Variants in ZBTB7C observed in about 807,000 individuals in gnomAD.
ZBTB7C encodes the protein zinc finger and BTB domain containing 7C.
ZBTB7C carries 8 observed loss-of-function variants against 25.7 expected under a neutral mutation model. The observed-to-expected ratio is 0.31, with a 90% confidence interval of 0.18 to 0.56. The LOEUF (loss-of-function observed/expected upper bound fraction) is 0.56. ZBTB7C is among the 20% of genes least tolerant of loss of function. ZBTB7C has a pLI of 0.91. For synonymous variants in ZBTB7C, 394 were observed against 369.0 expected (o/e 1.07, Z -0.78); for missense variants, 824 against 855.2 (o/e 0.96, Z 0.46).
chr18:48,396,957 T>C (rs1164369227), intron 1 of ZBTB7C, among the ~76,000 whole-genome samples: 1 of 152,242 alleles, frequency 6.6e-6, no homozygotes, highest in East Asian at 1.9e-4. Flanking sequence ...TGATATTTCT[T>C]GGTGCTGTTT....
intron 2 of ZBTB7C, among the ~76,000 whole-genome samples, chr18:48,222,462 A>G (rs1022246108): frequency 1.6e-4 from 25 of 152,012 alleles, no homozygotes; most frequent in African/African-American, 6.0e-4. Flanking sequence ...TATTTATACA[A>G]TAGTCCTCCA....
chr18:48,082,069 G>C (rs1598844012), intron 3 of ZBTB7C, among the ~76,000 whole-genome samples: 2 of 152,190 alleles, frequency 1.3e-5, no homozygotes, highest in Admixed American at 1.3e-4. Flanking sequence ...CTACGCATTA[G>C]AGGAGGCCAA....
intron 2 of ZBTB7C, among the ~76,000 whole-genome samples, chr18:48,260,539 C>T (rs146492206): frequency 7.2e-5 from 11 of 152,290 alleles, no homozygotes; most frequent in South Asian, 2.1e-4. Context: ...AAACAACATG[C>T]GCTACAGTAA....
upstream of ZBTB7C, chr18:48,409,519 G>C (rs1010659530): frequency 2.0e-5 from 3 of 148,004 alleles, no homozygotes; most frequent in African/African-American, 7.4e-5. Flanking sequence ...CCGCCGGCTC[G>C]GGGGGCGCAC....
chr18:48,107,103 A>G, intron 3 of ZBTB7C, among the ~76,000 whole-genome samples: 1 of 137,950 alleles, frequency 7.2e-6, no homozygotes, highest in Non-Finnish European at 1.6e-5. Flanking sequence ...GAGAGAGGGG[A>G]GGAGAGAGGG....
intron 2 of ZBTB7C, among the ~76,000 whole-genome samples, chr18:48,321,611 C>T (rs1262364437): frequency 2.0e-5 from 3 of 152,088 alleles, no homozygotes; most frequent in Admixed American, 1.3e-4. Flanking sequence ...CCCTTTAGGA[C>T]GAGGACTTGG....
Position 48,142,440 on chromosome 18 carries a change from G to A in ZBTB7C, c.-17+43494C>T, listed in dbSNP as rs118106207. Among the ~76,000 whole-genome samples the A allele has an allele frequency of 1.5e-3, 224 of 152,320 alleles. 3 individuals carry two copies. The East Asian group carries it at 0.033, about 22-fold the overall frequency. ...GCTGGGTTGTTCTCTCTGTGGGAAAGTACCCTGCCAGGCTGGAGTGCAGGG... is the reference window on the plus strand; with the variant it reads ...GCTGGGTTGTTCTCTCTGTGGGAAAATACCCTGCCAGGCTGGAGTGCAGGG... On this transcript the variant is annotated intron_variant, in intron 3 of 4. Transcript: ENST00000590800.
chr18:48,317,906 T>C (rs1185737866), intron 2 of ZBTB7C, among the ~76,000 whole-genome samples: 1 of 150,862 alleles, frequency 6.6e-6, no homozygotes, highest in Non-Finnish European at 1.5e-5. Context: ...CATTCTAACA[T>C]GCAGCCTGGG....
chr18:48,175,190 C>T (rs2041629632), intron 3 of ZBTB7C, among the ~76,000 whole-genome samples: 1 of 152,050 alleles, frequency 6.6e-6, no homozygotes, highest in Non-Finnish European at 1.5e-5. Flanking sequence ...TATAACCACA[C>T]TGAAGGACAG....
At chr18:48,358,160 GGCCAAC>G in intron 1 of ZBTB7C, among the ~76,000 whole-genome samples, 1 of 152,130 alleles carries the variant, frequency 6.6e-6, no homozygotes, top group African/African-American at 2.4e-5. Flanking sequence ...AGAACAGCCT[GGCCAAC>G]AATGGTGAAA....
At chr18:48,163,994 A>G (rs2041157727) in intron 3 of ZBTB7C, among the ~76,000 whole-genome samples, 1 of 152,234 alleles carries the variant, frequency 6.6e-6, no homozygotes, top group Non-Finnish European at 1.5e-5. Flanking sequence ...TGCAGGCTCC[A>G]CGAAGAGTCC....
intron 3 of ZBTB7C, among the ~76,000 whole-genome samples, chr18:48,156,918 C>A (rs938500854): frequency 2.0e-5 from 3 of 151,956 alleles, no homozygotes; most frequent in African/African-American, 7.3e-5. Flanking sequence ...GTCTCTCTGG[C>A]TGCAGTTTGA....
intron 2 of ZBTB7C, among the ~76,000 whole-genome samples, chr18:48,331,610 C>T (rs1342516270): frequency 6.6e-6 from 1 of 152,226 alleles, no homozygotes; most frequent in African/African-American, 2.4e-5. Context: ...ATCACCAAGG[C>T]TCTGAAGAAA....
chr18:48,049,107 A>T, intron 3 of ZBTB7C, among the ~76,000 whole-genome samples: 1 of 152,182 alleles, frequency 6.6e-6, no homozygotes, highest in Non-Finnish European at 1.5e-5. Context: ...ATTTTTCACA[A>T]AAAGATTCTC....
chr18:48,205,756 T>A (rs1362726826), intron 2 of ZBTB7C, among the ~76,000 whole-genome samples: 4 of 152,020 alleles, frequency 2.6e-5, no homozygotes, highest in Non-Finnish European at 1.5e-5. Flanking sequence ...CTGAAATGAC[T>A]ACTAGGTCAA....
intron 3 of ZBTB7C, among the ~76,000 whole-genome samples, chr18:48,158,685 T>G (rs1382473693): frequency 6.6e-6 from 1 of 152,174 alleles, no homozygotes; most frequent in East Asian, 1.9e-4. Context: ...ATTATTGATT[T>G]GGCAGTGAAG....
chr18:48,136,349 C>T (rs906057074), intron 3 of ZBTB7C, among the ~76,000 whole-genome samples: 1 of 152,192 alleles, frequency 6.6e-6, no homozygotes, highest in African/African-American at 2.4e-5. Flanking sequence ...GGTTGGAGTC[C>T]AGGGAAGAGC....
chr18:48,213,257 T>C (rs1255915752), intron 2 of ZBTB7C, among the ~76,000 whole-genome samples: 2 of 152,238 alleles, frequency 1.3e-5, no homozygotes, highest in Non-Finnish European at 2.9e-5. Flanking sequence ...ACCAGGGTTT[T>C]GTTTTTGACT....
chr18:48,323,033 T>C (rs2046134383), intron 2 of ZBTB7C, among the ~76,000 whole-genome samples: 1 of 152,146 alleles, frequency 6.6e-6, no homozygotes, highest in Non-Finnish European at 1.5e-5. Context: ...ACAATGGACG[T>C]TGGGGACTCA....
Sources: gnomAD v4.1 joint callset for allele counts (sites outside exome capture counted in the v4.1 genomes callset) on GRCh38, gnomAD v4.1.1 for gene constraint, MANE v1.5 for transcripts, NCBI Gene and HGNC (gene_info 2026-07-23, HGNC 2026-07-21) for gene names.